The following NLRP12 variants were observed in gnomAD, a reference collection of about 807,000 sequenced individuals.
The protein encoded by NLRP12 is NLR family pyrin domain containing 12.
In NLRP12, 108 loss-of-function variants were observed where a neutral mutation model predicts 91.2. The ratio of observed to expected loss-of-function variants is 1.18; its 90% CI spans 1.01 to 1.39. The LOEUF (loss-of-function observed/expected upper bound fraction) is 1.39, where lower values mean the gene tolerates loss of function less well. NLRP12 is among the 40% of genes most tolerant of loss of function. The pLI is 0.00. For synonymous variants in NLRP12, 613 were observed against 566.7 expected (o/e 1.08, Z -1.16); for missense variants, 1,530 against 1,352.7 (o/e 1.13, Z -2.06).
intron 1 of NLRP12, among the ~76,000 whole-genome samples, chr19:53,817,774 G>A (rs1041786344): frequency 6.6e-6 from 1 of 151,950 alleles, no homozygotes. Flanking sequence ...TTCATGTTTT[G>A]TGTATTTTAG....
intron 7 of NLRP12, among the ~76,000 whole-genome samples, chr19:53,799,569 C>T (rs1297757470): frequency 6.6e-5 from 10 of 151,868 alleles, no homozygotes; most frequent in East Asian, 2.0e-4. Flanking sequence ...CTGCAACCTC[C>T]GGCTCCCGGG....
At chr19:53,795,106 G>GTGTGT (rs55948484) in intron 9 of NLRP12, among the ~76,000 whole-genome samples, 1 of 69,822 alleles carries the variant, frequency 1.4e-5, no homozygotes, top group Admixed American at 1.2e-4. Flanking sequence ...CCTGGTGTGT[G>GTGTGT]CGTGTGTGTG....
chr19:53,796,829 C>T (rs769336324), intron 8 of NLRP12, among the ~76,000 whole-genome samples: 2 of 151,062 alleles, frequency 1.3e-5, no homozygotes, highest in East Asian at 4.0e-4. Context: ...AACCCCGTCT[C>T]TACTAAAAAT....
intron 1 of NLRP12, among the ~76,000 whole-genome samples, chr19:53,818,899 G>A (rs990770645): frequency 6.6e-6 from 1 of 152,108 alleles, no homozygotes; most frequent in African/African-American, 2.4e-5. Flanking sequence ...CATGAGAACT[G>A]CCGATCTTGC....
Position 53,803,978 on chromosome 19 carries a change from G to A in NLRP12, c.2559C>T (p.His853=), listed in dbSNP as rs779335601. The change falls in exon 6 of 10, where the codon CAC becomes CAT. Residue 853 remains histidine, a synonymous_variant. Transcript: ENST00000324134. The part of the protein sequence containing the change: ...GLRLLCQGLR[H]PVCRLRTLWL... Reference sequence around the variant, plus strand: ...ACAAAGTCCGTAGTCTGCAGACTGGGTGCCTCAGTCCCTGGCATAGTAACC... The same window carrying A: ...ACAAAGTCCGTAGTCTGCAGACTGGATGCCTCAGTCCCTGGCATAGTAACC... 5 of 1,614,114 alleles carry A rather than the reference G, an allele frequency of 3.1e-6. No individual in the cohort carries two copies. The highest frequency in any genetic ancestry group is 4.2e-6 in the Non-Finnish European group (5 of 1,180,022).
intron 3 of NLRP12, 103 bp downstream of exon 3, chr19:53,809,484 T>TCACGCCAG: frequency 8.3e-7 from 1 of 1,201,552 alleles, no homozygotes; most frequent in Non-Finnish European, 1.1e-6. Context: ...TGAGCTGAGG[T>TCACGCCAG]CACGCCAGTG....
intron 8 of NLRP12, among the ~76,000 whole-genome samples, chr19:53,797,212 A>G (rs1259902020): frequency 6.6e-6 from 1 of 150,760 alleles, no homozygotes; most frequent in African/African-American, 2.4e-5. Flanking sequence ...GCTCACTGCA[A>G]CCTCCACCTC....
intron 7 of NLRP12, among the ~76,000 whole-genome samples, chr19:53,800,822 G>C (rs1326359373): frequency 6.6e-6 from 1 of 152,036 alleles, no homozygotes; most frequent in Non-Finnish European, 1.5e-5. Flanking sequence ...CACCTCAGGT[G>C]ATCCTCCCAC....
chr19:53,823,787 T>G, intron 1 of NLRP12, 99 bp downstream of exon 1: 6 of 1,348,342 alleles, frequency 4.4e-6, no homozygotes, highest in African/African-American at 1.4e-5. Flanking sequence ...TCACCTCAAG[T>G]GATCTGCCCT....
Position 53,809,920 on chromosome 19 carries a change from C to G in NLRP12, c.1739G>C (p.Cys580Ser), listed in dbSNP as rs774065257. 8 of 1,614,094 alleles carry G rather than the reference C, an allele frequency of 5.0e-6. No individual in the cohort carries two copies. The highest frequency in any genetic ancestry group is 6.8e-6 in the Non-Finnish European group (8 of 1,180,042). ...CTTGATGTGCGGCGAGACCTTCCAG[C>G]AGAGACTCTTCTCCAGGTGGCTCCT... is the stretch of plus-strand genomic sequence containing the variant. ...ETRSHLEKSL[C>S]WKVSPHIKMD... Residue 580 changes from cysteine to serine, a missense_variant, in exon 3 of 10, where the codon TGC (cysteine) becomes TCC (serine). Transcript: ENST00000324134.
At position 53,805,708 on chromosome 19, in the gene NLRP12, G is replaced by C. The variant is rs778259664; in HGVS notation, c.2244-258C>G. ...CATTTTGGTATTTTTAGTAGAGATG[G>C]GGTTTCACCATGTTGGCCAGGCTGG... On this transcript the variant is annotated intron_variant, in intron 4 of 9. Transcript: ENST00000324134. The C allele has an allele frequency of 5.8e-4, 281 of 481,076 alleles. 2 individuals carry two copies. Among genetic ancestry groups the C allele is most frequent in the Admixed American group, 2.7e-4 (10 of 36,506 alleles). 29.8% of individuals were successfully genotyped at this position (481,076 alleles called of 1,614,324 possible).
rs886054610 is a variant in NLRP12 at position 53,811,018 on chromosome 19, A to G, written c.641T>C (p.Val214Ala). ...EERPEPPRTV[V>A]MQGAAGIGKS... ...GCCTATCCCTGCCGCGCCTTGCATG[A>G]CCACGGTGCGCGGTGGCTCGGGGCG... is the stretch of plus-strand genomic sequence containing the variant. Residue 214 changes from valine (V) to alanine (A), a missense_variant, in exon 3 of 10, where the codon GTC (valine) becomes GCC (alanine). By Grantham distance (64) the Val-to-Ala change is moderately conservative. Transcript: ENST00000324134. 2.4e-5 allele frequency: 38 copies of G among 1,613,458 alleles called. No homozygotes were observed. The highest frequency in any genetic ancestry group is 3.2e-5 in the Non-Finnish European group (38 of 1,179,592).
chr19:53,823,898 C>A lies in NLRP12; in HGVS notation c.277G>T (p.Asp93Tyr). ...KDLWERGQRE[D>Y]LVRDTPPGGP... is the part of the protein sequence containing the mutation. ...GCCACCTCCTTACCCCTCACCAGGT[C>A]CTCTCTCTGTCCTCTCTCCCACAGG... Residue 93 changes from aspartate to tyrosine, a missense_variant, in exon 1 of 10, where the codon GAC becomes TAC. Physicochemically the swap from Asp to Tyr is radical, Grantham distance 160. Transcript: ENST00000324134. 6.2e-7 allele frequency: 1 copy of A among 1,613,968 alleles called. No individual in the cohort carries two copies. The highest frequency in any genetic ancestry group is 8.5e-7 in the Non-Finnish European group (1 of 1,180,018).
At chr19:53,798,649 C>A (rs1262758789) in intron 7 of NLRP12, among the ~76,000 whole-genome samples, 3 of 152,200 alleles carry the variant, frequency 2.0e-5, no homozygotes, top group Non-Finnish European at 4.4e-5. Flanking sequence ...TGCCTGTCAT[C>A]CCAGCATCTT....
At position 53,819,447 on chromosome 19, in the gene NLRP12, A is replaced by G. The variant is rs868745425; in HGVS notation, c.289+4439T>C. 6.2e-3 allele frequency among the ~76,000 whole-genome samples: 105 copies of G among 17,068 alleles called. 10 individuals carry two copies. Among genetic ancestry groups the G allele is most frequent in the Non-Finnish European group, 0.01 (76 of 7,342 alleles). 11.2% of individuals were successfully genotyped at this position (17,068 alleles called of 152,430 possible). Reference sequence around the variant, plus strand: ...TATATATATATATATATATATATATATATATATATATGTGTGTGTGTGTGT... The same window carrying G: ...TATATATATATATATATATATATATGTATATATATATGTGTGTGTGTGTGT... On this transcript the variant is annotated intron_variant, in intron 1 of 9. Transcript: ENST00000324134.
chr19:53,812,830 C>A (rs1027306586), intron 2 of NLRP12, among the ~76,000 whole-genome samples: 5 of 151,550 alleles, frequency 3.3e-5, no homozygotes, highest in Non-Finnish European at 7.4e-5. Flanking sequence ...CACTTTAAAG[C>A]GTACAACTCT....
chr19:53,814,595 C>T (rs140739115), intron 2 of NLRP12, among the ~76,000 whole-genome samples: 20,551 of 152,056 alleles, frequency 0.14, 1,703 homozygotes, highest in Non-Finnish European at 0.18. Flanking sequence ...AGGTGATCTG[C>T]CCGCTTTGGC....
At chr19:53,822,766 CTCTT>C (rs1443753831) in intron 1 of NLRP12, among the ~76,000 whole-genome samples, 5 of 146,902 alleles carry the variant, frequency 3.4e-5, no homozygotes, top group Non-Finnish European at 7.5e-5. Context: ...GATACCTCAT[CTCTT>C]TCTTAATTTA....
intron 9 of NLRP12, 121 bp downstream of exon 9, chr19:53,795,738 C>A: frequency 1.2e-6 from 1 of 863,008 alleles, no homozygotes; most frequent in Non-Finnish European, 1.9e-6. Context: ...GTGGCCTCAT[C>A]TGTATGCCCC....
Sources: allele counts gnomAD v4.1 joint callset (sites outside exome capture counted in the v4.1 genomes callset), GRCh38; gene constraint gnomAD v4.1.1; transcripts MANE v1.5; gene names NCBI Gene and HGNC (gene_info 2026-07-23, HGNC 2026-07-21).